Variants in DLGAP1 observed in about 807,000 individuals in gnomAD.
DLGAP1 encodes DLG associated protein 1, also known as disks large-associated protein 1.
Under a neutral mutation model 90.8 loss-of-function variants are expected in DLGAP1, and 11 were observed. That is an observed-to-expected ratio of 0.12 (90% CI 0.08 to 0.20). The LOEUF is 0.20. Ranked by LOEUF, DLGAP1 falls within the 10% of genes least tolerant of loss-of-function variation. The probability of loss-of-function intolerance (pLI) is 1.00; values close to 1 mark genes in which losing one functional copy is unlikely to be tolerated. For synonymous variants in DLGAP1, 558 were observed against 540.7 expected, an observed-to-expected ratio of 1.03 and a Z score of -0.44; for missense variants, 1,050 against 1,333.8, an observed-to-expected ratio of 0.79 and a Z score of 3.31.
At chr18:4,058,617 G>A (rs1188485830) in intron 2 of DLGAP1, among the ~76,000 whole-genome samples, 1 of 152,172 alleles carries the variant, frequency 6.6e-6, no homozygotes, top group East Asian at 1.9e-4. Flanking sequence ...AAGTCCTCCA[G>A]AAGTTCCTTC....
intron 7 of DLGAP1, chr18:3,655,845 G>A: frequency 2.2e-6 from 1 of 463,002 alleles, no homozygotes; most frequent in Non-Finnish European, 3.8e-6. Flanking sequence ...AGTCACATCA[G>A]GAGACAGAAA....
At chr18:4,194,028 G>A (rs544452082) in intron 1 of DLGAP1, among the ~76,000 whole-genome samples, 3 of 152,124 alleles carry the variant, frequency 2.0e-5, no homozygotes, top group African/African-American at 7.2e-5. Flanking sequence ...ACATGTGCAG[G>A]TTTGTTACTC....
chr18:4,030,521 G>A (rs2074779140), intron 2 of DLGAP1, among the ~76,000 whole-genome samples: 1 of 152,154 alleles, frequency 6.6e-6, no homozygotes, highest in Non-Finnish European at 1.5e-5. Context: ...CCCATCCCAT[G>A]GAATCGAGGC....
At chr18:3,693,138 C>A (rs1466023594) in intron 7 of DLGAP1, among the ~76,000 whole-genome samples, 2 of 152,170 alleles carry the variant, frequency 1.3e-5, no homozygotes, top group Non-Finnish European at 2.9e-5. Context: ...GGCTGGAGTG[C>A]AGTGGTGCCA....
chr18:4,253,136 C>T (rs2078818229), intron 1 of DLGAP1, among the ~76,000 whole-genome samples: 1 of 152,144 alleles, frequency 6.6e-6, no homozygotes, highest in Non-Finnish European at 1.5e-5. Flanking sequence ...GAATCATTCA[C>T]TCCCTCAGTA....
At chr18:4,300,400 A>C (rs1223229682) in intron 1 of DLGAP1, among the ~76,000 whole-genome samples, 2 of 152,180 alleles carry the variant, frequency 1.3e-5, no homozygotes, top group Non-Finnish European at 2.9e-5. Context: ...ATGTTGAGCA[A>C]ATTTTACTGA....
chr18:4,203,467 T>C (rs1474806164), intron 1 of DLGAP1, among the ~76,000 whole-genome samples: 1 of 152,202 alleles, frequency 6.6e-6, no homozygotes, highest in Non-Finnish European at 1.5e-5. Context: ...TAGAAGCAGA[T>C]ATCAATTAAT....
intron 6 of DLGAP1, among the ~76,000 whole-genome samples, chr18:3,741,162 TCAC>T (rs1243995369): frequency 4.6e-3 from 152 of 33,104 alleles, no homozygotes; most frequent in Non-Finnish European, 6.7e-3. Flanking sequence ...ACCACCACCA[TCAC>T]CACCACATCA....
intron 1 of DLGAP1, among the ~76,000 whole-genome samples, chr18:4,439,089 A>G (rs574167769): frequency 1.1e-4 from 16 of 152,110 alleles, no homozygotes; most frequent in Non-Finnish European, 2.4e-4. Flanking sequence ...CAAAGGAGAG[A>G]CTGACCTGCT....
At chr18:4,153,257 T>C (rs1021139262) in intron 1 of DLGAP1, among the ~76,000 whole-genome samples, 1 of 152,200 alleles carries the variant, frequency 6.6e-6, no homozygotes, top group Non-Finnish European at 1.5e-5. Flanking sequence ...TCATGCAAGA[T>C]CGTTTAAATC....
chr18:3,893,274 A>T (rs1358295110), intron 3 of DLGAP1, among the ~76,000 whole-genome samples: 1 of 152,082 alleles, frequency 6.6e-6, no homozygotes, highest in Non-Finnish European at 1.5e-5. Flanking sequence ...TATATATACC[A>T]CATTTAAAAA....
chr18:4,437,105 T>C (rs1002141693), intron 1 of DLGAP1, among the ~76,000 whole-genome samples: 2 of 152,190 alleles, frequency 1.3e-5, no homozygotes, highest in African/African-American at 4.8e-5. Context: ...CAATAAAGTT[T>C]CTGAGGAATG....
chr18:4,209,035 C>T (rs2077784677), intron 1 of DLGAP1, among the ~76,000 whole-genome samples: 1 of 152,124 alleles, frequency 6.6e-6, no homozygotes, highest in African/African-American at 2.4e-5. Flanking sequence ...TCAGGTGAGG[C>T]CGGGTGGAAA....
At chr18:4,010,763 C>T (rs1017393992) in intron 2 of DLGAP1, among the ~76,000 whole-genome samples, 5 of 151,980 alleles carry the variant, frequency 3.3e-5, no homozygotes, top group South Asian at 2.1e-4. Flanking sequence ...CTTCAAGATC[C>T]GCATCTTTTT....
intron 5 of DLGAP1, among the ~76,000 whole-genome samples, chr18:3,802,880 AC>A (rs1401512905): frequency 6.6e-6 from 1 of 152,124 alleles, no homozygotes; most frequent in African/African-American, 2.4e-5. Flanking sequence ...GCACCTCTTT[AC>A]TTGGGGCCTC....
intron 3 of DLGAP1, among the ~76,000 whole-genome samples, chr18:3,948,461 C>T (rs536563074): frequency 1.2e-4 from 18 of 152,194 alleles, no homozygotes; most frequent in Non-Finnish European, 2.1e-4. Flanking sequence ...GTGACGATCT[C>T]CTTCCTACTG....
chr18:3,686,577 T>C (rs2060710682), intron 7 of DLGAP1, among the ~76,000 whole-genome samples: 1 of 152,206 alleles, frequency 6.6e-6, no homozygotes, highest in South Asian at 2.1e-4. Flanking sequence ...GATTTTTTCT[T>C]TTGTCTTGTG....
chr18:3,511,308 AT>A (rs2050531032), intron 10 of DLGAP1, among the ~76,000 whole-genome samples: 2 of 119,724 alleles, frequency 1.7e-5, no homozygotes, highest in Admixed American at 8.5e-5. Flanking sequence ...GTTTTGTTTT[AT>A]TTTTTTTCCA....
At chr18:3,897,970 A>T (rs529704844) in intron 3 of DLGAP1, among the ~76,000 whole-genome samples, 6 of 151,012 alleles carry the variant, frequency 4.0e-5, no homozygotes, top group Non-Finnish European at 8.9e-5. Context: ...AATTTTTTGT[A>T]TTTTTAGTAG....
Sources: allele counts gnomAD v4.1 joint callset (sites outside exome capture counted in the v4.1 genomes callset), GRCh38; gene constraint gnomAD v4.1.1; transcripts MANE v1.5; gene names NCBI Gene and HGNC (gene_info 2026-07-23, HGNC 2026-07-21).